The following AUTS2 variants were observed in gnomAD, a reference collection of about 807,000 sequenced individuals.
AUTS2 encodes the protein autism susceptibility gene 2 protein.
In AUTS2, 17 loss-of-function variants were observed where a neutral mutation model predicts 112.4. That is an observed-to-expected ratio of 0.15 (90% CI 0.10 to 0.23). The LOEUF (loss-of-function observed/expected upper bound fraction) is 0.23, where lower values mean the gene tolerates loss of function less well. AUTS2 is among the 10% of genes least tolerant of loss of function. The pLI is 1.00. For missense variants in AUTS2, 1,510 were observed against 1,701.6 expected, an observed-to-expected ratio of 0.89 and a Z score of 1.98; for synonymous variants, 751 against 702.7, an observed-to-expected ratio of 1.07 and a Z score of -1.09.
At chr7:70,053,544 G>GGTTTTTTTTTTTTTTTTTTTTTTTTTT (rs1801848925) in intron 2 of AUTS2, among the ~76,000 whole-genome samples, 1 of 127,846 alleles carries the variant, frequency 7.8e-6, no homozygotes, top group Non-Finnish European at 1.6e-5. Flanking sequence ...GTTTTGGGTG[G>GGTTTTTTTTTTTTTTTTTTTTTTTTTT]TTTTTTTTTT....
At chr7:70,437,795 G>A (rs11514670) in intron 5 of AUTS2, 19,131 of 144,876 alleles carry the variant, frequency 0.13, 1,259 homozygotes, top group Middle Eastern at 0.19. Flanking sequence ...AGCAGAGATC[G>A]CACCACTGTA....
chr7:69,843,845 A>G (rs1180527784), intron 1 of AUTS2, among the ~76,000 whole-genome samples: 3 of 152,200 alleles, frequency 2.0e-5, no homozygotes, highest in East Asian at 1.9e-4. Flanking sequence ...AGGAATTTGC[A>G]TGAAGGTCCA....
At chr7:69,641,881 C>T (rs775013212) in intron 1 of AUTS2, among the ~76,000 whole-genome samples, 1 of 152,168 alleles carries the variant, frequency 6.6e-6, no homozygotes, top group Non-Finnish European at 1.5e-5. Context: ...AGCCCAAGGT[C>T]AGGATATTGA....
intron 4 of AUTS2, among the ~76,000 whole-genome samples, chr7:70,166,834 G>A (rs988952248): frequency 6.6e-6 from 1 of 152,120 alleles, no homozygotes; most frequent in Non-Finnish European, 1.5e-5. Context: ...TGGATAGAAA[G>A]TAAAACCCAA....
At chr7:70,602,529 G>A (rs1803529789) in intron 5 of AUTS2, among the ~76,000 whole-genome samples, 1 of 152,200 alleles carries the variant, frequency 6.6e-6, no homozygotes, top group Non-Finnish European at 1.5e-5. Flanking sequence ...TGTTGCAGCT[G>A]TGTTTCATTG....
At chr7:70,163,958 G>A (rs1344091537) in intron 4 of AUTS2, among the ~76,000 whole-genome samples, 2 of 152,132 alleles carry the variant, frequency 1.3e-5, no homozygotes, top group African/African-American at 4.8e-5. Flanking sequence ...CCATAACAAA[G>A]AAACAGTAAC....
intron 5 of AUTS2, among the ~76,000 whole-genome samples, chr7:70,643,506 G>A (rs1474111350): frequency 6.6e-6 from 1 of 152,166 alleles, no homozygotes; most frequent in African/African-American, 2.4e-5. Flanking sequence ...AGGAGGCTGA[G>A]GTTGCAGTGA....
At chr7:70,758,170 C>T (rs1789341949) in intron 6 of AUTS2, among the ~76,000 whole-genome samples, 1 of 152,158 alleles carries the variant, frequency 6.6e-6, no homozygotes, top group Non-Finnish European at 1.5e-5. Flanking sequence ...CTACGTTGTA[C>T]ATTCGGCATT....
intron 2 of AUTS2, among the ~76,000 whole-genome samples, chr7:70,037,282 C>A (rs1285933339): frequency 6.6e-6 from 1 of 152,064 alleles, no homozygotes; most frequent in African/African-American, 2.4e-5. Flanking sequence ...TACAAAGTAG[C>A]AGATATATAG....
intron 1 of AUTS2, among the ~76,000 whole-genome samples, chr7:69,820,780 G>A (rs1451785307): frequency 6.6e-6 from 1 of 152,156 alleles, no homozygotes; most frequent in Non-Finnish European, 1.5e-5. Context: ...ATGTGATAGG[G>A]AGGGTTCTGT....
intron 4 of AUTS2, among the ~76,000 whole-genome samples, chr7:70,180,379 G>A (rs1408834968): frequency 4.6e-5 from 7 of 152,068 alleles, no homozygotes; most frequent in Admixed American, 4.6e-4. Flanking sequence ...AGTAAATTTT[G>A]ATGCCAACTT....
chr7:70,309,836 A>G (rs1056706266), intron 4 of AUTS2, among the ~76,000 whole-genome samples: 1 of 152,224 alleles, frequency 6.6e-6, no homozygotes, highest in Non-Finnish European at 1.5e-5. Context: ...TGATTAAGAA[A>G]CATGGCTCAT....
At chr7:70,071,685 C>A (rs576992664) in intron 2 of AUTS2, among the ~76,000 whole-genome samples, 47 of 152,322 alleles carry the variant, frequency 3.1e-4, no homozygotes, top group African/African-American at 1.0e-3. Flanking sequence ...GAACCTATTT[C>A]TCCAGTCTAC....
chr7:70,052,733 G>A (rs1801812878), intron 2 of AUTS2, among the ~76,000 whole-genome samples: 1 of 152,142 alleles, frequency 6.6e-6, no homozygotes, highest in South Asian at 2.1e-4. Context: ...TAATCTGTAG[G>A]CTGTCTGCAA....
intron 4 of AUTS2, among the ~76,000 whole-genome samples, chr7:70,225,177 C>A (rs554078532): frequency 2.6e-5 from 4 of 152,272 alleles, no homozygotes; most frequent in African/African-American, 9.6e-5. Flanking sequence ...GGTTACATGA[C>A]AAAACAAGTT....
chr7:70,669,083 G>A (rs767884940), intron 5 of AUTS2, among the ~76,000 whole-genome samples: 3 of 152,100 alleles, frequency 2.0e-5, no homozygotes, highest in East Asian at 1.9e-4. Context: ...AAATGTATTC[G>A]TGCCCCTACA....
intron 4 of AUTS2, among the ~76,000 whole-genome samples, chr7:70,264,740 G>A (rs1332115077): frequency 2.6e-5 from 4 of 152,176 alleles, no homozygotes; most frequent in Non-Finnish European, 5.9e-5. Flanking sequence ...GATAGTTTTA[G>A]GGGAATGTGT....
intron 1 of AUTS2, among the ~76,000 whole-genome samples, chr7:69,700,665 C>A (rs1264631619): frequency 6.6e-6 from 1 of 152,166 alleles, no homozygotes; most frequent in Non-Finnish European, 1.5e-5. Flanking sequence ...TTACTAGTAT[C>A]AATTATTAAC....
At chr7:70,481,127 T>C (rs1797771524) in intron 5 of AUTS2, among the ~76,000 whole-genome samples, 1 of 152,188 alleles carries the variant, frequency 6.6e-6, no homozygotes, top group Non-Finnish European at 1.5e-5. Flanking sequence ...TAAATAGTTC[T>C]GAGCAGGGAA....
Sources: allele counts gnomAD v4.1 joint callset (sites outside exome capture counted in the v4.1 genomes callset), GRCh38; gene constraint gnomAD v4.1.1; transcripts MANE v1.5; gene names NCBI Gene and HGNC (gene_info 2026-07-23, HGNC 2026-07-21).